Variants in PRELID2 observed in about 807,000 individuals in gnomAD.
PRELID2 encodes the protein PRELI domain-containing protein 2.
In PRELID2, 25 loss-of-function variants were observed where a neutral mutation model predicts 28.4. That is an observed-to-expected ratio of 0.88 (90% CI 0.64 to 1.23). The LOEUF (loss-of-function observed/expected upper bound fraction) is 1.23, where lower values mean the gene tolerates loss of function less well. Among genes scored for constraint, PRELID2 ranks in the 50% most tolerant of loss-of-function variants. The pLI is 0.00. For synonymous variants in PRELID2, 76 were observed against 71.6 expected (o/e 1.06, Z -0.31); for missense variants, 201 against 214.4 (o/e 0.94, Z 0.39).
At chr5:145,701,933 C>T (rs1177699771) in intron 1 of PRELID2, among the ~76,000 whole-genome samples, 1 of 151,960 alleles carries the variant, frequency 6.6e-6, no homozygotes, top group Non-Finnish European at 1.5e-5. Context: ...TGCCTGTAAT[C>T]CCAGGTACTC....
At chr5:145,313,240 A>G in the PRELID2 span, among the ~76,000 whole-genome samples, 1 of 152,320 alleles carries the variant, frequency 6.6e-6, no homozygotes, top group South Asian at 2.1e-4. Flanking sequence ...CTGACAATTC[A>G]TCCAGTTAAA....
intron 1 of PRELID2, among the ~76,000 whole-genome samples, chr5:145,550,350 C>G (rs188358136): frequency 7.2e-5 from 11 of 152,214 alleles, no homozygotes; most frequent in Non-Finnish European, 1.2e-4. Flanking sequence ...TTACCAGGAC[C>G]TATTAAACCA....
chr5:145,471,249 G>C (rs1332948599), downstream of PRELID2, among the ~76,000 whole-genome samples: 1 of 152,106 alleles, frequency 6.6e-6, no homozygotes, highest in Non-Finnish European at 1.5e-5. Context: ...CTGCCCATTA[G>C]CTGTACATTC....
downstream of PRELID2, among the ~76,000 whole-genome samples, chr5:145,754,828 T>A (rs915641007): frequency 3.3e-5 from 5 of 152,156 alleles, no homozygotes; most frequent in African/African-American, 1.2e-4. Flanking sequence ...CGTCAATTTC[T>A]AAGAAAAAAA....
chr5:145,346,583 A>C, the PRELID2 span, among the ~76,000 whole-genome samples: 1 of 152,162 alleles, frequency 6.6e-6, no homozygotes, highest in Non-Finnish European at 1.5e-5. Context: ...GCTAAGAATA[A>C]GATTTAGAAG....
intron 1 of PRELID2, among the ~76,000 whole-genome samples, chr5:145,730,782 A>G (rs1756319736): frequency 6.6e-6 from 1 of 152,136 alleles, no homozygotes; most frequent in African/African-American, 2.4e-5. Flanking sequence ...AACCAGAAAC[A>G]TTCCAAACTC....
the PRELID2 span, among the ~76,000 whole-genome samples, chr5:145,399,431 C>G: frequency 7.0e-4 from 106 of 152,232 alleles, 1 homozygote; most frequent in African/African-American, 2.4e-3. Context: ...TACCAGAGCT[C>G]ATGCAAAATT....
chr5:145,790,232 T>C lies in PRELID2; in HGVS notation c.474+6210A>G, dbSNP rs145197294. On this transcript the variant is annotated intron_variant, in intron 5 of 6. Coordinates refer to ENST00000683046, the MANE Select transcript of PRELID2 (RefSeq NM_205846.3). ...GCAGCATTATTCACAGTAGCCAAGA[T>C]ATGGAATCAACCTAAGTGTTCAACA... 3.7e-3 allele frequency among the ~76,000 whole-genome samples: 567 copies of C among 152,206 alleles called. 1 individual carries two copies. The highest frequency in any genetic ancestry group is 5.1e-3 in the Non-Finnish European group (350 of 67,990).
chr5:145,733,270 A>G lies in PRELID2; in HGVS notation n.70+31661T>C, dbSNP rs146308512. Among the ~76,000 whole-genome samples the G allele has an allele frequency of 2.2e-3, 338 of 152,238 alleles. 4 individuals carry two copies. Among genetic ancestry groups the G allele is most frequent in the African/African-American group, 7.9e-3 (329 of 41,562 alleles). ...GAGTGAGATCTTGTCTCAAAAAGAA[A>G]AAAAATCTCAATGAAATCCAAGACT... On this transcript the variant is annotated intron_variant and non_coding_transcript_variant, in intron 1 of 2. Transcript: ENST00000510259.
At chr5:145,819,440 A>C (rs1339839623) in intron 3 of PRELID2, 1 of 1,516,944 alleles carries the variant, frequency 6.6e-7, no homozygotes, top group Non-Finnish European at 9.1e-7. Context: ...ACAATTTGCT[A>C]TCATGAAGAT....
At chr5:145,305,578 A>T in the PRELID2 span, among the ~76,000 whole-genome samples, 1 of 152,156 alleles carries the variant, frequency 6.6e-6, no homozygotes, top group African/African-American at 2.4e-5. Flanking sequence ...TCACCAGCAT[A>T]GTCTATCAGT....
intron 1 of PRELID2, among the ~76,000 whole-genome samples, chr5:145,553,687 T>C (rs1214367126): frequency 6.6e-6 from 1 of 152,216 alleles, no homozygotes; most frequent in Admixed American, 6.5e-5. Context: ...TTTTATATAA[T>C]GTAGTTTTAT....
At chr5:145,259,373 A>G in the PRELID2 span, among the ~76,000 whole-genome samples, 1 of 152,172 alleles carries the variant, frequency 6.6e-6, no homozygotes, top group African/African-American at 2.4e-5. Context: ...GAAAAGCCAC[A>G]GGCACTCTAG....
At chr5:145,647,220 G>A (rs1475394766) in intron 1 of PRELID2, among the ~76,000 whole-genome samples, 6 of 152,222 alleles carry the variant, frequency 3.9e-5, no homozygotes, top group African/African-American at 1.4e-4. Flanking sequence ...CCTGCCCAGA[G>A]AGAAATCTAG....
chr5:145,369,751 G>T, the PRELID2 span, among the ~76,000 whole-genome samples: 1 of 151,976 alleles, frequency 6.6e-6, no homozygotes, highest in Non-Finnish European at 1.5e-5. Context: ...GTGTAAAAGT[G>T]CTCCTATCTC....
At chr5:145,438,353 A>G in the PRELID2 span, among the ~76,000 whole-genome samples, 3 of 152,158 alleles carry the variant, frequency 2.0e-5, no homozygotes, top group African/African-American at 7.2e-5. Context: ...TTTCTGCTGC[A>G]TCCCCAAAGC....
the PRELID2 span, among the ~76,000 whole-genome samples, chr5:145,298,048 G>A: frequency 6.6e-6 from 1 of 152,022 alleles, no homozygotes; most frequent in Non-Finnish European, 1.5e-5. Context: ...TACTGCCCAA[G>A]GTAATTTATA....
the PRELID2 span, among the ~76,000 whole-genome samples, chr5:145,392,731 A>C: frequency 4.0e-5 from 6 of 151,224 alleles, no homozygotes; most frequent in Non-Finnish European, 8.9e-5. Flanking sequence ...AGAAGGAAGA[A>C]AGGAAGGAAG....
the PRELID2 span, among the ~76,000 whole-genome samples, chr5:145,307,675 C>G: frequency 2.0e-5 from 3 of 152,184 alleles, no homozygotes; most frequent in East Asian, 3.9e-4. Context: ...AGCATGGAGC[C>G]CACCAGTTTG....
Sources: allele counts gnomAD v4.1 joint callset (sites outside exome capture counted in the v4.1 genomes callset), GRCh38; gene constraint gnomAD v4.1.1; transcripts MANE v1.5; gene names NCBI Gene and HGNC (gene_info 2026-07-23, HGNC 2026-07-21).